The following CYP4F22 variants were observed in gnomAD, a reference collection of about 807,000 sequenced individuals.
CYP4F22 encodes cytochrome P450 family 4 subfamily F member 22.
A neutral mutation model predicts 60.4 loss-of-function variants in CYP4F22; 37 were observed. That is an observed-to-expected ratio of 0.61 (90% CI 0.47 to 0.81). The LOEUF is 0.81. Ranked by LOEUF, CYP4F22 falls within the 30% of genes least tolerant of loss-of-function variation. The pLI is 0.00. For synonymous variants in CYP4F22, 258 were observed against 280.5 expected, an observed-to-expected ratio of 0.92 and a Z score of 0.80; for missense variants, 655 against 715.0, an observed-to-expected ratio of 0.92 and a Z score of 0.96.
chr19:15,549,596 G>A (rs988948237), intron 12 of CYP4F22, among the ~76,000 whole-genome samples: 2 of 152,162 alleles, frequency 1.3e-5, no homozygotes, highest in Admixed American at 1.3e-4. Flanking sequence ...GAGAGGCTAA[G>A]GTGGGAGAAT....
chr19:15,533,597 T>TC (rs1326164584), intron 4 of CYP4F22, among the ~76,000 whole-genome samples: 2 of 142,870 alleles, frequency 1.4e-5, no homozygotes, highest in African/African-American at 5.4e-5. Flanking sequence ...CATTCTTTTT[T>TC]TTTTTTTTTT....
chr19:15,530,670 C>T (rs1206796413), intron 4 of CYP4F22, among the ~76,000 whole-genome samples: 1 of 152,102 alleles, frequency 6.6e-6, no homozygotes, highest in Non-Finnish European at 1.5e-5. Context: ...GAAGCAAACA[C>T]GTCCTTCTTC....
At chr19:15,533,003 C>T (rs374849536) in intron 4 of CYP4F22, among the ~76,000 whole-genome samples, 2 of 152,266 alleles carry the variant, frequency 1.3e-5, no homozygotes, top group East Asian at 1.9e-4. Context: ...GTCACAGACA[C>T]CACCCTGGAT....
At chr19:15,511,593 G>A (rs962318959) in intron 1 of CYP4F22, among the ~76,000 whole-genome samples, 2 of 152,216 alleles carry the variant, frequency 1.3e-5, no homozygotes, top group African/African-American at 4.8e-5. Flanking sequence ...TGTTGAGGAA[G>A]CCAAGGTGGC....
chr19:15,543,542 TC>T (rs1393657575), intron 8 of CYP4F22, among the ~76,000 whole-genome samples: 1 of 151,642 alleles, frequency 6.6e-6, no homozygotes, highest in African/African-American at 2.4e-5. Context: ...CTGGACTAGT[TC>T]CCCCCACAGC....
intron 8 of CYP4F22, among the ~76,000 whole-genome samples, chr19:15,542,219 T>A (rs1381729333): frequency 2.0e-5 from 3 of 152,096 alleles, no homozygotes; most frequent in African/African-American, 7.2e-5. Flanking sequence ...TTTTCTTGTT[T>A]TTTAAAAATG....
chr19:15,511,062 G>A (rs144701456), intron 1 of CYP4F22, among the ~76,000 whole-genome samples: 4,506 of 148,326 alleles, frequency 0.03, 110 homozygotes, highest in Admixed American at 0.056. Flanking sequence ...TGCCTCCCGG[G>A]TTCAAGCTGT....
chr19:15,551,188 T>A (rs1422242309), intron 13 of CYP4F22, 106 bp from the exon 14 acceptor site: 1 of 1,460,664 alleles, frequency 6.8e-7, no homozygotes, highest in Non-Finnish European at 9.4e-7. Flanking sequence ...ACTTTAACCC[T>A]CAGCCAGCCC....
intron 1 of CYP4F22, among the ~76,000 whole-genome samples, chr19:15,522,371 C>G (rs936170631): frequency 1.1e-4 from 16 of 151,972 alleles, no homozygotes; most frequent in African/African-American, 3.9e-4. Flanking sequence ...GAAGTGTTAA[C>G]TAATAAAAAT....
At position 15,540,548 on chromosome 19, in the gene CYP4F22, G is replaced by T. The variant is rs200005567; in HGVS notation, c.770G>T (p.Arg257Leu). 1.4e-5 allele frequency: 22 copies of T among 1,614,136 alleles called. No individual in the cohort carries two copies. The highest frequency in any genetic ancestry group is 1.9e-5 in the Non-Finnish European group (22 of 1,180,048). The part of the protein sequence containing the change: ...LHHYLDFIYY[R>L]SADGRRFRQA... ...CACTACCTCGACTTCATTTACTACC[G>T]CTCGGCGGATGGGCGGAGGTTCCGG... The change falls in exon 8 of 14, where the codon CGC becomes CTC. Residue 257 changes from arginine to leucine, a missense_variant. Arg to Leu is a moderately radical substitution (Grantham distance 102, BLOSUM62 -2). Around this residue, in one of 3 missense-constraint regions of CYP4F22, gnomAD observed 430 missense variants for 457.1 expected, o/e 0.94. Coordinates refer to ENST00000269703, the MANE Select transcript of CYP4F22 (RefSeq NM_173483.4).
At chr19:15,546,912 T>C (rs1483447428) in intron 10 of CYP4F22, among the ~76,000 whole-genome samples, 1 of 151,740 alleles carries the variant, frequency 6.6e-6, no homozygotes, top group African/African-American at 2.4e-5. Context: ...GGTCTCTCTT[T>C]GTTGCCCAGG....
At chr19:15,545,646 CT>C (rs1568363155) in intron 10 of CYP4F22, among the ~76,000 whole-genome samples, 1 of 40,566 alleles carries the variant, frequency 2.5e-5, no homozygotes, top group African/African-American at 1.2e-4. Flanking sequence ...GAGACCCTGT[CT>C]CAAAAAAAAA....
chr19:15,549,573 A>C (rs1184481914), intron 12 of CYP4F22, among the ~76,000 whole-genome samples: 3 of 152,132 alleles, frequency 2.0e-5, no homozygotes, highest in Non-Finnish European at 4.4e-5. Context: ...CACACTTGTA[A>C]TCCCAGCACT....
intron 1 of CYP4F22, among the ~76,000 whole-genome samples, chr19:15,511,332 G>A (rs1480367537): frequency 6.6e-6 from 1 of 151,682 alleles, no homozygotes; most frequent in Non-Finnish European, 1.5e-5. Flanking sequence ...GGTGGCAGGC[G>A]CCTGTAGTCC....
At chr19:15,520,732 C>A (rs1358255586) in intron 1 of CYP4F22, among the ~76,000 whole-genome samples, 1 of 148,936 alleles carries the variant, frequency 6.7e-6, no homozygotes, top group African/African-American at 2.5e-5. Context: ...GTACTACAGG[C>A]GAATGCTGCC....
rs533894653 is a variant in CYP4F22, at chr19:15,550,247, C to A, written c.1336-427C>A. On this transcript the variant is annotated intron_variant, in intron 12 of 13. Coordinates refer to ENST00000269703, the MANE Select transcript of CYP4F22 (RefSeq NM_173483.4). The stretch of plus-strand genomic sequence containing the variant: ...CGCCCAGCCTGCAATGAGCTATGAT[C>A]GCGCTTCTGCACTCCAGCCTGAGTG... 3.1e-3 allele frequency among the ~76,000 whole-genome samples: 467 copies of A among 152,124 alleles called. 5 individuals carry two copies. The highest frequency in any genetic ancestry group is 0.011 in the African/African-American group (440 of 41,482).
chr19:15,512,115 G>A (rs955518034), intron 1 of CYP4F22, among the ~76,000 whole-genome samples: 4 of 152,238 alleles, frequency 2.6e-5, no homozygotes, highest in Admixed American at 2.0e-4. Flanking sequence ...CTAACATTTT[G>A]TGAGCTACGT....
At chr19:15,548,381 T>C in intron 11 of CYP4F22, 140 bp downstream of exon 11, 1 of 1,358,468 alleles carries the variant, frequency 7.4e-7, no homozygotes, top group Admixed American at 1.7e-5. Context: ...CTGTTGCTTC[T>C]GGGGTGTTGG....
intron 1 of CYP4F22, among the ~76,000 whole-genome samples, chr19:15,509,895 T>TCCTC (rs1250519265): frequency 1.6e-5 from 2 of 121,830 alleles, no homozygotes; most frequent in Non-Finnish European, 3.6e-5. Flanking sequence ...CTTCCTTCCT[T>TCCTC]CCTTCCTTCC....
Sources: gnomAD v4.1 joint callset for allele counts (sites outside exome capture counted in the v4.1 genomes callset) on GRCh38, gnomAD v4.1.1 for gene constraint, gnomAD v4.1.1 regional missense constraint, MANE v1.5 for transcripts, NCBI Gene and HGNC (gene_info 2026-07-23, HGNC 2026-07-21) for gene names.